CYSLTR2: variants seen among roughly 807,000 people sequenced by gnomAD.
CYSLTR2 encodes cysteinyl leukotriene receptor 2.
For synonymous variants in CYSLTR2, 179 were observed against 160.8 expected, an observed-to-expected ratio of 1.11 and a Z score of -0.86; for missense variants, 398 against 411.9, an observed-to-expected ratio of 0.97 and a Z score of 0.29.
At chr13:48,705,999 G>T (rs7324991) in intron 4 of CYSLTR2, among the ~76,000 whole-genome samples, 78,475 of 137,092 alleles carry the variant, frequency 0.57, 22,513 homozygotes, top group African/African-American at 0.75. Flanking sequence ...TTTTGTTGTT[G>T]TTTTTTTTTT....
chr13:48,693,329 T>C (rs1954083963), intron 2 of CYSLTR2, 109 bp from the exon 3 acceptor site: 1 of 152,060 alleles, frequency 6.6e-6, no homozygotes, highest in South Asian at 2.1e-4. Context: ...AACTTATATA[T>C]AATGCCTTTT....
At chr13:48,657,892 T>C (rs1953037563) in intron 1 of CYSLTR2, among the ~76,000 whole-genome samples, 1 of 151,962 alleles carries the variant, frequency 6.6e-6, no homozygotes, top group Non-Finnish European at 1.5e-5. Flanking sequence ...TTGCATAAAT[T>C]GTGTAGTGGT....
intron 4 of CYSLTR2, among the ~76,000 whole-genome samples, chr13:48,703,586 T>C (rs1954406388): frequency 6.6e-6 from 1 of 152,224 alleles, no homozygotes; most frequent in African/African-American, 2.4e-5. Flanking sequence ...TACTTGGTCA[T>C]GGTATAATTC....
chr13:48,684,751 C>A (rs749931077), intron 1 of CYSLTR2, among the ~76,000 whole-genome samples: 1 of 152,088 alleles, frequency 6.6e-6, no homozygotes. Flanking sequence ...GAAATAAGTT[C>A]TTTGCAGATG....
At chr13:48,670,244 G>T (rs1380362230) in intron 1 of CYSLTR2, among the ~76,000 whole-genome samples, 1 of 152,196 alleles carries the variant, frequency 6.6e-6, no homozygotes, top group Non-Finnish European at 1.5e-5. Context: ...TCACTCTGAA[G>T]ATAGTTTCTT....
chr13:48,687,445 T>C (rs1165215717), intron 1 of CYSLTR2, among the ~76,000 whole-genome samples: 1 of 152,114 alleles, frequency 6.6e-6, no homozygotes, highest in Admixed American at 6.6e-5. Flanking sequence ...CTATCGATTA[T>C]CATCTATCAA....
rs143922958 is a variant in CYSLTR2 at position 48,709,071 on chromosome 13, A to T, written c.*1213A>T. Reference sequence around the variant, plus strand: ...TTTACAGCTGAAGAAATTGAAGCTTAGAGAAATTAAGAAGCTTGTTTAAGT... The same window carrying T: ...TTTACAGCTGAAGAAATTGAAGCTTTGAGAAATTAAGAAGCTTGTTTAAGT... On this transcript the variant is annotated 3_prime_UTR_variant, in exon 5 of 5. Coordinates refer to ENST00000682523, the MANE Select transcript of CYSLTR2 (RefSeq NM_001308476.3). 2 of 167,248 alleles carry T rather than the reference A, an allele frequency of 1.2e-5. No homozygotes were observed. The highest frequency in any genetic ancestry group is 4.1e-4 in the South Asian group (2 of 4,824). The allele number at this position is 167,248 out of a possible 1,614,324, so 10.4% of individuals were successfully genotyped here.
intron 1 of CYSLTR2, among the ~76,000 whole-genome samples, chr13:48,665,045 T>C (rs917051424): frequency 2.2e-4 from 34 of 152,208 alleles, no homozygotes; most frequent in Middle Eastern, 3.4e-3. Flanking sequence ...TTTAAAATTA[T>C]ATTCTTAATT....
intron 4 of CYSLTR2, among the ~76,000 whole-genome samples, chr13:48,698,724 G>A (rs915701158): frequency 2.0e-5 from 3 of 152,146 alleles, no homozygotes; most frequent in Non-Finnish European, 4.4e-5. Context: ...GACACAGACT[G>A]GCAAATCAGA....
intron 4 of CYSLTR2, among the ~76,000 whole-genome samples, chr13:48,699,430 A>C (rs572410665): frequency 6.4e-4 from 98 of 152,364 alleles, no homozygotes; most frequent in African/African-American, 2.3e-3. Flanking sequence ...CTGGGTACAT[A>C]ACAAAATGAA....
intron 4 of CYSLTR2, among the ~76,000 whole-genome samples, chr13:48,701,721 A>C (rs1954352758): frequency 6.6e-6 from 1 of 152,232 alleles, no homozygotes; most frequent in African/African-American, 2.4e-5. Context: ...ATACCATCTC[A>C]CACCAGTTAG....
Position 48,696,851 on chromosome 13 carries a change from TGGCTCGGAGGGTCCCACGCCC to T in CYSLTR2, c.-2+247_-2+267del, listed in dbSNP as rs563139342. Among the ~76,000 whole-genome samples, 364 of 152,232 alleles carry T rather than the reference TGGCTCGGAGGGTCCCACGCCC, an allele frequency of 2.4e-3. 2 individuals carry two copies. The highest frequency in any genetic ancestry group is 7.3e-3 in the African/African-American group (303 of 41,568). ...ACACCAGGAGATTATATCCCGCACA[TGGCTCGGAGGGTCCCACGCCC>T]GGCTCGGAGGGTCCCACGCCCACGG... On this transcript the variant is annotated intron_variant, in intron 4 of 4. Transcript: ENST00000682523.
At chr13:48,698,683 A>T (rs1455023387) in intron 4 of CYSLTR2, among the ~76,000 whole-genome samples, 2 of 152,208 alleles carry the variant, frequency 1.3e-5, no homozygotes, top group Non-Finnish European at 2.9e-5. Context: ...ATTAACCTCA[A>T]ATGTAAATGG....
intron 1 of CYSLTR2, among the ~76,000 whole-genome samples, chr13:48,672,698 A>G (rs1593956621): frequency 6.8e-6 from 1 of 147,904 alleles, no homozygotes; most frequent in South Asian, 2.1e-4. Context: ...GCTCACTGCA[A>G]CCTCCGCCTC....
At chr13:48,681,499 C>CT (rs1953753975) in intron 1 of CYSLTR2, among the ~76,000 whole-genome samples, 1 of 152,168 alleles carries the variant, frequency 6.6e-6, no homozygotes, top group Non-Finnish European at 1.5e-5. Flanking sequence ...TACAGATGGA[C>CT]TTCCCCAATG....
chr13:48,676,229 G>C (rs1028945283), intron 1 of CYSLTR2, among the ~76,000 whole-genome samples: 1 of 152,188 alleles, frequency 6.6e-6, no homozygotes, highest in Non-Finnish European at 1.5e-5. Context: ...TCTGCCATCT[G>C]TTCCCTGATT....
At chr13:48,705,939 G>A (rs1266759150) in intron 4 of CYSLTR2, among the ~76,000 whole-genome samples, 1 of 147,082 alleles carries the variant, frequency 6.8e-6, no homozygotes, top group Non-Finnish European at 1.5e-5. Flanking sequence ...ATTCCTTTCT[G>A]TTTAGAGAAC....
chr13:48,682,239 A>T (rs1953775434), intron 1 of CYSLTR2, among the ~76,000 whole-genome samples: 1 of 152,070 alleles, frequency 6.6e-6, no homozygotes, highest in Non-Finnish European at 1.5e-5. Flanking sequence ...CACCTCTAGT[A>T]TTCCATTGGA....
At position 48,707,061 on chromosome 13, in the gene CYSLTR2, A is replaced by G. The variant is rs1455824307; in HGVS notation, c.244A>G (p.Ile82Val). The change falls in exon 5 of 5, where the codon ATT (isoleucine) becomes GTT (valine). Residue 82 changes from isoleucine to valine, a missense_variant. Coordinates refer to ENST00000682523, the MANE Select transcript of CYSLTR2 (RefSeq NM_001308476.3). ...SVNVFMLNLAISDLLFISTLP... is the reference protein window; with the variant it reads ...SVNVFMLNLAVSDLLFISTLP... ...GAACGTTTTCATGCTAAATCTGGCC[A>G]TTTCAGATCTCCTGTTCATAAGCAC... is the stretch of plus-strand genomic sequence containing the variant. 1.2e-6 allele frequency: 2 copies of G among 1,614,156 alleles called. No homozygotes were observed. Among genetic ancestry groups the G allele is most frequent in the African/African-American group, 2.7e-5 (2 of 75,040 alleles).
Sources: gnomAD v4.1 joint callset for allele counts (sites outside exome capture counted in the v4.1 genomes callset) on GRCh38, gnomAD v4.1.1 for gene constraint, MANE v1.5 for transcripts, NCBI Gene and HGNC (gene_info 2026-07-23, HGNC 2026-07-21) for gene names.